Variants in VAPA observed in about 807,000 individuals in gnomAD.
VAPA encodes the protein vesicle-associated membrane protein-associated protein A.
Under a neutral mutation model 25.6 loss-of-function variants are expected in VAPA, and 6 were observed. That is an observed-to-expected ratio of 0.23 (90% CI 0.13 to 0.46). VAPA has a LOEUF of 0.46. Ranked by LOEUF, VAPA falls within the 20% of genes least tolerant of loss-of-function variation. VAPA has a pLI of 0.99. For synonymous variants in VAPA, 112 were observed against 106.2 expected, an observed-to-expected ratio of 1.05 and a Z score of -0.34; for missense variants, 244 against 302.1, an observed-to-expected ratio of 0.81 and a Z score of 1.43.
chr18:9,924,189 A>T (rs1162479423), intron 1 of VAPA, among the ~76,000 whole-genome samples: 1 of 152,158 alleles, frequency 6.6e-6, no homozygotes, highest in Non-Finnish European at 1.5e-5. Context: ...TAAATAATAA[A>T]AAAAAAAGTT....
rs2069092208 is a variant in VAPA, at chr18:9,914,415, T to C, written c.79+80T>C. On this transcript the variant is annotated intron_variant, in intron 1 of 5. Transcript: ENST00000400000. ...TCGGCGGGGGGGCGCGGAGGGCACG[T>C]CCGCGGCCCTGGCCCGAGGGAGCGC... The C allele has an allele frequency of 2.2e-6, 3 of 1,333,364 alleles. No individual in the cohort carries two copies. The East Asian group carries it at 9.4e-5, about 42-fold the overall frequency. The allele number at this position is 1,333,364 out of a possible 1,614,324, so 82.6% of individuals were successfully genotyped here. A position where few individuals can be genotyped will look rare whatever the true frequency, so the allele number is the denominator to read the frequency against.
chr18:9,917,618 G>C (rs1251277783), intron 1 of VAPA, among the ~76,000 whole-genome samples: 1 of 152,204 alleles, frequency 6.6e-6, no homozygotes, highest in East Asian at 1.9e-4. Flanking sequence ...GAAGAAGAAA[G>C]TTTATAAAAT....
chr18:9,920,392 T>G (rs1390603453), intron 1 of VAPA, among the ~76,000 whole-genome samples: 3 of 152,246 alleles, frequency 2.0e-5, no homozygotes, highest in African/African-American at 7.2e-5. Context: ...AACCTCTGCC[T>G]CCCGAGTTCA....
intron 1 of VAPA, chr18:9,914,809 C>T (rs1243167697): frequency 6.6e-6 from 1 of 152,560 alleles, no homozygotes; most frequent in Non-Finnish European, 1.5e-5. Context: ...GCGTCTGTCG[C>T]CCGCTCCCGG....
At chr18:9,949,021 G>A (rs1005198012) in intron 4 of VAPA, 4 of 152,170 alleles carry the variant, frequency 2.6e-5, no homozygotes, top group Non-Finnish European at 5.9e-5. Flanking sequence ...ATCAGAAGTT[G>A]GATTTGTGCT....
At position 9,934,466 on chromosome 18, in the gene VAPA, C is replaced by T. The variant is rs765817293; in HGVS notation, c.233-1644C>T. On this transcript the variant is annotated intron_variant, in intron 2 of 5. Coordinates refer to ENST00000400000, the MANE Select transcript of VAPA (RefSeq NM_194434.3). ...ATTTAGCTTAAGCTGTATTCTGAGG[C>T]ATTTTATCCAGTACATTTCCTGCTG... Among the ~76,000 whole-genome samples, 57 of 152,302 alleles carry T rather than the reference C, an allele frequency of 3.7e-4. No homozygotes were observed. In the Middle Eastern group the frequency reaches 0.01, roughly 27 times the overall value.
At chr18:9,949,645 C>T (rs1386620718) in intron 4 of VAPA, 1 of 152,152 alleles carries the variant, frequency 6.6e-6, no homozygotes, top group Non-Finnish European at 1.5e-5. Context: ...TACACTAATA[C>T]TGCTACGATG....
chr18:9,914,338 A>G lies in VAPA; in HGVS notation c.79+3A>G, dbSNP rs762842251. ...GCCCACAGACCTCAAATTCAAAGGT[A>G]GGCAGAACGGGGACACCCCCGGGTG... On this transcript the variant is annotated splice_donor_region_variant and intron_variant, in intron 1 of 5. Coordinates refer to ENST00000400000, the MANE Select transcript of VAPA (RefSeq NM_194434.3). 1.3e-6 allele frequency: 2 copies of G among 1,575,956 alleles called. No homozygotes were observed. The highest frequency in any genetic ancestry group is 1.1e-5 in the South Asian group (1 of 87,804).
At chr18:9,926,215 A>G (rs2069199043) in intron 1 of VAPA, among the ~76,000 whole-genome samples, 1 of 152,186 alleles carries the variant, frequency 6.6e-6, no homozygotes, top group Admixed American at 6.5e-5. Flanking sequence ...TTTTGTATAT[A>G]TGATTACCTT....
rs2069550835 is a variant in VAPA, at chr18:9,956,365, T to G, written c.*2154T>G. The G allele has an allele frequency of 6.6e-6, 1 of 152,260 alleles. No individual in the cohort carries two copies. The highest frequency in any genetic ancestry group is 1.5e-5 in the Non-Finnish European group (1 of 68,046). 9.4% of individuals were successfully genotyped at this position (152,260 alleles called of 1,614,324 possible). ...TATGTGAAATTTCTTATTGTAAGAC[T>G]ACTACCGGCTTACTGTTGAATAGTT... On this transcript the variant is annotated 3_prime_UTR_variant, in exon 6 of 6. Transcript: ENST00000400000.
rs2069086961 is a variant in VAPA at position 9,914,057 on chromosome 18, T to C, written c.-200T>C. ...CGTGGCCGTGGCGGCTGGTGTGGGG[T>C]TGAGTCAGTTGTGGGACCCGGAGCT... On this transcript the variant is annotated 5_prime_UTR_variant, in exon 1 of 6. Coordinates refer to ENST00000400000, the MANE Select transcript of VAPA (RefSeq NM_194434.3). 2 of 500,526 alleles carry C rather than the reference T, an allele frequency of 4.0e-6. No homozygotes were observed. Among genetic ancestry groups the C allele is most frequent in the Non-Finnish European group, 7.0e-6 (2 of 284,242 alleles). The allele number at this position is 500,526 out of a possible 1,614,324, so 31.0% of individuals were successfully genotyped here.
chr18:9,914,481 T>G, intron 1 of VAPA, 146 bp downstream of exon 1: 1 of 615,448 alleles, frequency 1.6e-6, no homozygotes, highest in Non-Finnish European at 2.5e-6. Flanking sequence ...TCCCGGCTGC[T>G]TTCTTGCCGC....
intron 1 of VAPA, among the ~76,000 whole-genome samples, chr18:9,927,529 G>A (rs2069211272): frequency 6.7e-6 from 1 of 148,976 alleles, no homozygotes; most frequent in Non-Finnish European, 1.5e-5. Context: ...TTTTAAGACT[G>A]GGTGGTTTGG....
Position 9,954,750 on chromosome 18 carries a change from T to C in VAPA, c.*539T>C, listed in dbSNP as rs1421829538. The C allele has an allele frequency of 6.6e-6, 1 of 152,598 alleles. No homozygotes were observed. Among genetic ancestry groups the C allele is most frequent in the Non-Finnish European group, 1.5e-5 (1 of 68,096 alleles). 9.5% of individuals were successfully genotyped at this position (152,598 alleles called of 1,614,324 possible). On this transcript the variant is annotated 3_prime_UTR_variant, in exon 6 of 6. Transcript: ENST00000400000. The stretch of plus-strand genomic sequence containing the variant: ...CCTTGTGAGGCAGTTGTTGACTGAG[T>C]TTTTCATCCTTACAATCCTGTCCCA...
At chr18:9,948,638 G>A (rs1461780195) in intron 4 of VAPA, 1 of 152,122 alleles carries the variant, frequency 6.6e-6, no homozygotes, top group African/African-American at 2.4e-5. Flanking sequence ...GCACGATCTC[G>A]TCTCATTGCA....
intron 2 of VAPA, among the ~76,000 whole-genome samples, chr18:9,933,502 C>T (rs1370628070): frequency 6.6e-6 from 1 of 152,206 alleles, no homozygotes; most frequent in Non-Finnish European, 1.5e-5. Context: ...CTGCTTTCTA[C>T]TACATCTTTA....
At chr18:9,950,954 G>C (rs779851119) in intron 5 of VAPA, 1 of 177,740 alleles carries the variant, frequency 5.6e-6, no homozygotes, top group Non-Finnish European at 1.2e-5. Flanking sequence ...ATTGAGCTGT[G>C]CTGTTGAGTG....
At chr18:9,936,265 G>T (rs750569941) in intron 3 of VAPA, 52 bp downstream of exon 3, 1 of 1,225,924 alleles carries the variant, frequency 8.2e-7, no homozygotes, top group African/African-American at 1.5e-5. Flanking sequence ...AACTGTGGGT[G>T]TTGTTTAGCA....
intron 4 of VAPA, among the ~76,000 whole-genome samples, chr18:9,947,154 G>C (rs1429431654): frequency 6.6e-6 from 1 of 152,130 alleles, no homozygotes; most frequent in Non-Finnish European, 1.5e-5. Context: ...GCTGGAGTCT[G>C]ACTTAGAGTG....
Sources: allele counts gnomAD v4.1 joint callset (sites outside exome capture counted in the v4.1 genomes callset), GRCh38; gene constraint gnomAD v4.1.1; transcripts MANE v1.5; gene names NCBI Gene and HGNC (gene_info 2026-07-23, HGNC 2026-07-21).